BMP6: variants seen among roughly 807,000 people sequenced by gnomAD.
BMP6 encodes the protein bone morphogenetic protein 6, also known as VG-1-R.
BMP6 carries 17 observed loss-of-function variants against 54.1 expected under a neutral mutation model. That is an observed-to-expected ratio of 0.31 (90% CI 0.22 to 0.47). The LOEUF (loss-of-function observed/expected upper bound fraction) is 0.47, where lower values mean the gene tolerates loss of function less well. Ranked by LOEUF, BMP6 falls within the 20% of genes least tolerant of loss-of-function variation. The pLI is 1.00. For missense variants in BMP6, 720 were observed against 690.4 expected, an observed-to-expected ratio of 1.04 and a Z score of -0.48; for synonymous variants, 328 against 291.2, an observed-to-expected ratio of 1.13 and a Z score of -1.28.
At chr6:7,850,591 C>A (rs1052902496) in intron 2 of BMP6, among the ~76,000 whole-genome samples, 1 of 152,104 alleles carries the variant, frequency 6.6e-6, no homozygotes, top group Non-Finnish European at 1.5e-5. Context: ...ATAATTGTCC[C>A]AGGAGAGAAA....
At chr6:7,775,133 C>G (rs76047639) in intron 1 of BMP6, among the ~76,000 whole-genome samples, 22 of 152,282 alleles carry the variant, frequency 1.4e-4, no homozygotes, top group African/African-American at 5.1e-4. Flanking sequence ...AACAGTGTTG[C>G]GTTGGGGATT....
intron 2 of BMP6, among the ~76,000 whole-genome samples, chr6:7,848,457 AAGACAGTTTT>A: frequency 6.6e-6 from 1 of 152,208 alleles, no homozygotes; most frequent in East Asian, 1.9e-4. Context: ...CAGCTATGTG[AAGACAGTTTT>A]AGACACCCCT....
intron 1 of BMP6, among the ~76,000 whole-genome samples, chr6:7,733,482 A>G (rs972624735): frequency 1.3e-5 from 2 of 152,222 alleles, no homozygotes; most frequent in South Asian, 4.1e-4. Context: ...TCACGTAAAC[A>G]GCTGTTACAC....
At chr6:7,768,623 C>T (rs1002595259) in intron 1 of BMP6, among the ~76,000 whole-genome samples, 6 of 152,134 alleles carry the variant, frequency 3.9e-5, no homozygotes, top group Admixed American at 6.5e-5. Flanking sequence ...ATTTTTGCCC[C>T]GTTCTTATTG....
At chr6:7,830,178 CCT>C (rs1028903684) in intron 1 of BMP6, among the ~76,000 whole-genome samples, 15 of 152,244 alleles carry the variant, frequency 9.9e-5, no homozygotes, top group African/African-American at 2.9e-4. Context: ...CTCACTCTCT[CCT>C]CTCTCTCATA....
rs192919494 is a variant in BMP6, at chr6:7,766,406, A to T, written c.664+38787A>T. Among the ~76,000 whole-genome samples the T allele has an allele frequency of 9.0e-4, 137 of 152,318 alleles. 1 individual carries two copies. The highest frequency in any genetic ancestry group is 3.2e-3 in the African/African-American group (134 of 41,578). Reference sequence around the variant, plus strand: ...AGTGGAAGGATTGCTTGAGACCAGGAGTTTGAAAACCAGCCTGGGCAACAT... The same window carrying T: ...AGTGGAAGGATTGCTTGAGACCAGGTGTTTGAAAACCAGCCTGGGCAACAT... On this transcript the variant is annotated intron_variant, in intron 1 of 6. Transcript: ENST00000283147.
At chr6:7,877,624 A>G (rs1759642063) in intron 4 of BMP6, among the ~76,000 whole-genome samples, 1 of 152,160 alleles carries the variant, frequency 6.6e-6, no homozygotes, top group Non-Finnish European at 1.5e-5. Context: ...CTCTGTCTCA[A>G]AAGAAAAAAA....
chr6:7,765,764 T>C (rs1757677217), intron 1 of BMP6, among the ~76,000 whole-genome samples: 2 of 152,238 alleles, frequency 1.3e-5, no homozygotes, highest in African/African-American at 4.8e-5. Context: ...CTCACTGGAT[T>C]AAGATCAAGG....
At chr6:7,849,700 T>C (rs369527119) in intron 2 of BMP6, among the ~76,000 whole-genome samples, 1 of 152,256 alleles carries the variant, frequency 6.6e-6, no homozygotes. Flanking sequence ...AAAGAGCATC[T>C]CTTGAAAGCC....
chr6:7,880,623 C>A lies in BMP6; in HGVS notation c.*280C>A. 2.2e-6 allele frequency: 1 copy of A among 452,428 alleles called. No individual in the cohort carries two copies. Among genetic ancestry groups the A allele is most frequent in the South Asian group, 3.1e-5 (1 of 31,960 alleles). The allele number at this position is 452,428 out of a possible 1,614,324, so 28.0% of individuals were successfully genotyped here. A position where few individuals can be genotyped will look rare whatever the true frequency, so the allele number is the denominator to read the frequency against. ...ACATAACCGTGAAGCTCTTCCTACCCTCCTCCCCCAAAAACCCACCAAAAT... is the reference window on the plus strand; with the variant it reads ...ACATAACCGTGAAGCTCTTCCTACCATCCTCCCCCAAAAACCCACCAAAAT... On this transcript the variant is annotated 3_prime_UTR_variant, in exon 7 of 7. Transcript: ENST00000283147.
intron 1 of BMP6, among the ~76,000 whole-genome samples, chr6:7,782,974 A>G (rs1757969585): frequency 1.3e-5 from 2 of 152,236 alleles, no homozygotes; most frequent in Non-Finnish European, 2.9e-5. Context: ...CATGGCGGTC[A>G]CTGATCATTG....
chr6:7,750,357 A>G (rs1344019370), intron 1 of BMP6, among the ~76,000 whole-genome samples: 1 of 152,136 alleles, frequency 6.6e-6, no homozygotes, highest in African/African-American at 2.4e-5. Flanking sequence ...CATGATAGAG[A>G]TATGTTTGGG....
At chr6:7,773,600 C>T (rs1226277415) in intron 1 of BMP6, among the ~76,000 whole-genome samples, 6 of 152,062 alleles carry the variant, frequency 3.9e-5, no homozygotes, top group Non-Finnish European at 7.4e-5. Context: ...TTCCATTCAA[C>T]GTATTTTCTT....
At chr6:7,778,755 A>G (rs776141443) in intron 1 of BMP6, among the ~76,000 whole-genome samples, 22 of 152,338 alleles carry the variant, frequency 1.4e-4, no homozygotes, top group Admixed American at 3.9e-4. Flanking sequence ...TAAATGAGTC[A>G]GTGGCGGAAC....
intron 2 of BMP6, among the ~76,000 whole-genome samples, chr6:7,851,922 T>C (rs996148670): frequency 6.6e-6 from 1 of 152,170 alleles, no homozygotes; most frequent in Non-Finnish European, 1.5e-5. Flanking sequence ...GTTCAACTTG[T>C]GCTTTATTAT....
At chr6:7,749,917 C>T (rs926336793) in intron 1 of BMP6, among the ~76,000 whole-genome samples, 31 of 152,158 alleles carry the variant, frequency 2.0e-4, no homozygotes, top group Admixed American at 2.0e-3. Context: ...GGTTTTTAAT[C>T]AAGTGGTTCA....
In BMP6 at chr6:7,835,960, G is replaced by A. The variant is rs982933496; in HGVS notation, c.665-9180G>A. On this transcript the variant is annotated intron_variant, in intron 1 of 6. Coordinates refer to ENST00000283147, the MANE Select transcript of BMP6 (RefSeq NM_001718.6). Reference sequence around the variant, plus strand: ...CAAGCTATTCTCCTGCCTCAGCCTCGCGAGTAGCCGGGACTACAGGCATGT... The same window carrying A: ...CAAGCTATTCTCCTGCCTCAGCCTCACGAGTAGCCGGGACTACAGGCATGT... Among the ~76,000 whole-genome samples, 6 of 151,778 alleles carry A rather than the reference G, an allele frequency of 4.0e-5. No homozygotes were observed. The East Asian group carries it at 1.2e-3, about 30-fold the overall frequency.
At chr6:7,808,172 G>A (rs954814846) in intron 1 of BMP6, among the ~76,000 whole-genome samples, 7 of 151,898 alleles carry the variant, frequency 4.6e-5, no homozygotes, top group East Asian at 1.9e-4. Context: ...TGCCCACCTC[G>A]GCCTCCCAAA....
chr6:7,881,678 AAAG>A lies in BMP6; in HGVS notation c.*1338_*1340del, dbSNP rs1468843645. 1 of 151,680 alleles carries A rather than the reference AAAG, an allele frequency of 6.6e-6. No homozygotes were observed. The highest frequency in any genetic ancestry group is 1.9e-4 in the East Asian group (1 of 5,192). 9.4% of individuals were successfully genotyped at this position (151,680 alleles called of 1,614,324 possible). Reference sequence around the variant, plus strand: ...TCTAGGAGGTTGGGTTTTTTTAAAAAAAGAATTATCTGTGAACCATACGTGATT... The same window carrying A: ...TCTAGGAGGTTGGGTTTTTTTAAAAAAATTATCTGTGAACCATACGTGATT... On this transcript the variant is annotated 3_prime_UTR_variant, in exon 7 of 7. Transcript: ENST00000283147.
Sources: gnomAD v4.1 joint callset for allele counts (sites outside exome capture counted in the v4.1 genomes callset) on GRCh38, gnomAD v4.1.1 for gene constraint, MANE v1.5 for transcripts, NCBI Gene and HGNC (gene_info 2026-07-23, HGNC 2026-07-21) for gene names.